Variants in ANKS1B observed in about 807,000 individuals in gnomAD.
ANKS1B encodes the protein ankyrin repeat and sterile alpha motif domain-containing protein 1B.
A neutral mutation model predicts 148.3 loss-of-function variants in ANKS1B; 36 were observed. That is an observed-to-expected ratio of 0.24 (90% CI 0.19 to 0.32). The LOEUF (loss-of-function observed/expected upper bound fraction) is 0.32. Among genes scored for constraint, ANKS1B ranks in the 10% least tolerant of loss-of-function variants. The pLI, the probability that ANKS1B is intolerant of heterozygous loss-of-function variation, is 1.00. For missense variants in ANKS1B, 1,157 were observed against 1,542.6 expected (o/e 0.75, Z 4.19); for synonymous variants, 542 against 560.8 (o/e 0.97, Z 0.47).
chr12:99,335,902 T>C (rs1456300499), intron 12 of ANKS1B, among the ~76,000 whole-genome samples: 1 of 152,154 alleles, frequency 6.6e-6, no homozygotes, highest in African/African-American at 2.4e-5. Context: ...CTGGATCATA[T>C]GATAGTTCTA....
chr12:99,868,221 TAAG>T (rs1048332250), intron 1 of ANKS1B, among the ~76,000 whole-genome samples: 2 of 152,092 alleles, frequency 1.3e-5, no homozygotes, highest in Non-Finnish European at 2.9e-5. Flanking sequence ...ATGGAATGAG[TAAG>T]AAAAGAGCTT....
chr12:99,805,033 C>T (rs2067413791), intron 4 of ANKS1B, among the ~76,000 whole-genome samples: 1 of 151,984 alleles, frequency 6.6e-6, no homozygotes, highest in Admixed American at 6.6e-5. Flanking sequence ...ACAGCCAAGA[C>T]CAGAAGAACC....
intron 17 of ANKS1B, among the ~76,000 whole-genome samples, chr12:98,850,714 G>A (rs1341646222): frequency 6.6e-6 from 1 of 151,076 alleles, no homozygotes; most frequent in African/African-American, 2.4e-5. Flanking sequence ...TGATCCGCCC[G>A]CCTCAGCCTC....
intron 11 of ANKS1B, among the ~76,000 whole-genome samples, chr12:99,412,106 C>T (rs574990468): frequency 7.9e-5 from 12 of 151,758 alleles, no homozygotes; most frequent in Non-Finnish European, 1.6e-4. Context: ...TTTAAAATAG[C>T]CTGTTATTAA....
chr12:99,518,779 T>C (rs940921155), intron 9 of ANKS1B, among the ~76,000 whole-genome samples: 6 of 152,260 alleles, frequency 3.9e-5, no homozygotes, highest in East Asian at 3.9e-4. Context: ...TAAATTTGGT[T>C]TGCTCTAGCT....
At position 99,050,690 on chromosome 12, in the gene ANKS1B, C is replaced by CTT. The variant is rs62812561; in HGVS notation, c.2778+2465_2778+2466dup. 4.6e-3 allele frequency among the ~76,000 whole-genome samples: 521 copies of CTT among 113,518 alleles called. 3 individuals carry two copies. Among genetic ancestry groups the CTT allele is most frequent in the East Asian group, 6.9e-3 (26 of 3,780 alleles). The allele number at this position is 113,518 out of a possible 152,430, so 74.5% of individuals were successfully genotyped here. A position where few individuals can be genotyped will look rare whatever the true frequency, so the allele number is the denominator to read the frequency against. On this transcript the variant is annotated intron_variant, in intron 17 of 26. Coordinates refer to ENST00000683438, the MANE Select transcript of ANKS1B (RefSeq NM_001352186.2). ...AGACCAGTTTTCTTTTTTTCTTTTT[C>CTT]TTTTTTTTTTTTTTTTTTTGAGACA...
At chr12:99,199,710 T>A (rs2081831136) in intron 14 of ANKS1B, among the ~76,000 whole-genome samples, 1 of 152,124 alleles carries the variant, frequency 6.6e-6, no homozygotes, top group Non-Finnish European at 1.5e-5. Context: ...GCCTCTCTAT[T>A]TTCCTGACAG....
chr12:99,596,655 T>C (rs1411750982), intron 9 of ANKS1B, among the ~76,000 whole-genome samples: 1 of 151,972 alleles, frequency 6.6e-6, no homozygotes, highest in South Asian at 2.1e-4. Flanking sequence ...AAATAAACTT[T>C]GTCTAGCACA....
At chr12:99,426,536 A>G (rs566521281) in intron 11 of ANKS1B, among the ~76,000 whole-genome samples, 29 of 152,276 alleles carry the variant, frequency 1.9e-4, no homozygotes, top group Admixed American at 1.5e-3. Context: ...TTTAGCATAT[A>G]TTTATTGTCA....
intron 12 of ANKS1B, among the ~76,000 whole-genome samples, chr12:99,344,650 A>T (rs2090410802): frequency 6.6e-6 from 1 of 152,070 alleles, no homozygotes; most frequent in Non-Finnish European, 1.5e-5. Flanking sequence ...AAATACATGA[A>T]CCAAATATCC....
intron 19 of ANKS1B, among the ~76,000 whole-genome samples, chr12:98,817,697 T>C (rs1311730215): frequency 6.6e-6 from 1 of 152,220 alleles, no homozygotes; most frequent in Non-Finnish European, 1.5e-5. Flanking sequence ...AGTTCTAAAG[T>C]GTGAAAAAGT....
intron 15 of ANKS1B, among the ~76,000 whole-genome samples, chr12:99,104,019 G>A (rs964929752): frequency 1.4e-4 from 21 of 152,224 alleles, no homozygotes; most frequent in Admixed American, 6.5e-4. Flanking sequence ...GGGCTTGAAT[G>A]ACATGCTGAT....
chr12:99,494,811 G>A (rs2096588584), intron 10 of ANKS1B, among the ~76,000 whole-genome samples: 1 of 151,414 alleles, frequency 6.6e-6, no homozygotes, highest in South Asian at 2.1e-4. Flanking sequence ...AAATTCCTGA[G>A]GAGGAAAAGA....
chr12:99,009,650 G>T (rs1351926037), intron 17 of ANKS1B, among the ~76,000 whole-genome samples: 3 of 152,056 alleles, frequency 2.0e-5, no homozygotes, highest in Non-Finnish European at 4.4e-5. Context: ...TCTCCATAAG[G>T]CAGGGTGGGC....
chr12:99,728,662 T>G (rs1233770947), intron 8 of ANKS1B, among the ~76,000 whole-genome samples: 2 of 152,146 alleles, frequency 1.3e-5, no homozygotes, highest in Admixed American at 6.6e-5. Context: ...TAAAGACACA[T>G]GCACACATAT....
chr12:98,838,145 G>T (rs1451938891), intron 17 of ANKS1B, among the ~76,000 whole-genome samples: 1 of 152,166 alleles, frequency 6.6e-6, no homozygotes, highest in Non-Finnish European at 1.5e-5. Context: ...TTTCAGAGAA[G>T]TATGTCATAA....
At chr12:99,157,193 A>G (rs2076154717) in intron 14 of ANKS1B, among the ~76,000 whole-genome samples, 1 of 152,234 alleles carries the variant, frequency 6.6e-6, no homozygotes, top group South Asian at 2.1e-4. Flanking sequence ...AGGAGAAGCT[A>G]AAAACAAGAT....
At chr12:99,076,174 G>T (rs1048390658) in intron 16 of ANKS1B, among the ~76,000 whole-genome samples, 2 of 152,074 alleles carry the variant, frequency 1.3e-5, no homozygotes, top group African/African-American at 4.8e-5. Flanking sequence ...AAAAGAAATG[G>T]ACTTCAGCTG....
chr12:99,215,193 A>C (rs1340008368), intron 14 of ANKS1B, among the ~76,000 whole-genome samples: 1 of 152,226 alleles, frequency 6.6e-6, no homozygotes, highest in Non-Finnish European at 1.5e-5. Flanking sequence ...TTGGGCCTGC[A>C]GGTGCACAGA....
Sources: gnomAD v4.1 joint callset for allele counts (sites outside exome capture counted in the v4.1 genomes callset) on GRCh38, gnomAD v4.1.1 for gene constraint, MANE v1.5 for transcripts, NCBI Gene and HGNC (gene_info 2026-07-23, HGNC 2026-07-21) for gene names.